The following INPP5B variants were observed in gnomAD, a reference collection of about 807,000 sequenced individuals.
INPP5B encodes the protein type II inositol 1,4,5-trisphosphate 5-phosphatase.
In INPP5B, 90 loss-of-function variants were observed where a neutral mutation model predicts 118.5. The observed-to-expected ratio is 0.76, with a 90% CI of 0.64 to 0.90. The LOEUF is 0.90. INPP5B is among the 40% of genes least tolerant of loss of function. The pLI is 0.00. For missense variants in INPP5B, 984 were observed against 1,125.6 expected, an observed-to-expected ratio of 0.87 and a Z score of 1.80; for synonymous variants, 385 against 418.9, an observed-to-expected ratio of 0.92 and a Z score of 0.99.
At chr1:37,940,412 C>T (rs550887460) in intron 6 of INPP5B, among the ~76,000 whole-genome samples, 46 of 152,296 alleles carry the variant, frequency 3.0e-4, no homozygotes, top group African/African-American at 1.1e-3. Flanking sequence ...GTAAGAGATT[C>T]TGCATCACAG....
chr1:37,911,875 A>C (rs998509020), intron 7 of INPP5B, among the ~76,000 whole-genome samples: 1 of 152,218 alleles, frequency 6.6e-6, no homozygotes, highest in Non-Finnish European at 1.5e-5. Context: ...TTATGCTGAT[A>C]AGGTAGTTAA....
Position 37,905,520 on chromosome 1 carries a change from G to A in INPP5B, c.533-14066C>T, listed in dbSNP as rs375876533. On this transcript the variant is annotated intron_variant, in intron 7 of 23. Transcript: ENST00000373024. ...TGTTACTAATAATTACAATTGTTAT[G>A]TAAAATTGTTACATGCCACTGTGGT... is the stretch of plus-strand genomic sequence containing the variant. 4.6e-5 allele frequency among the ~76,000 whole-genome samples: 7 copies of A among 152,340 alleles called. 1 individual carries two copies. The highest frequency in any genetic ancestry group is 1.7e-4 in the African/African-American group (7 of 41,576).
chr1:37,932,556 A>G (rs940860584), intron 6 of INPP5B, among the ~76,000 whole-genome samples: 1 of 151,640 alleles, frequency 6.6e-6, no homozygotes, highest in African/African-American at 2.4e-5. Flanking sequence ...TTTAGTAGAG[A>G]CGGGGTTTCA....
intron 7 of INPP5B, among the ~76,000 whole-genome samples, chr1:37,893,739 G>T (rs762306022): frequency 2.0e-5 from 3 of 152,078 alleles, no homozygotes; most frequent in Non-Finnish European, 4.4e-5. Flanking sequence ...AATTGCCAAG[G>T]CTCTTCCCAG....
At chr1:37,927,593 GT>G (rs1557708610) in intron 7 of INPP5B, among the ~76,000 whole-genome samples, 1 of 149,448 alleles carries the variant, frequency 6.7e-6, no homozygotes, top group East Asian at 2.0e-4. Flanking sequence ...CTGGAGTCCA[GT>G]GGCGCAATCT....
intron 5 of INPP5B, among the ~76,000 whole-genome samples, chr1:37,942,645 A>T (rs941884323): frequency 1.6e-4 from 25 of 152,104 alleles, no homozygotes; most frequent in African/African-American, 6.0e-4. Context: ...GTGGTGGCTC[A>T]CGCCTATAAT....
Position 37,946,272 on chromosome 1 carries a change from C to T in INPP5B, c.37G>A (p.Glu13Lys), listed in dbSNP as rs1385109923. 7 of 1,611,872 alleles carry T rather than the reference C, an allele frequency of 4.3e-6. No homozygotes were observed. Among genetic ancestry groups the T allele is most frequent in the Non-Finnish European group, 5.1e-6 (6 of 1,179,114 alleles). The change falls in exon 2 of 24, where the codon GAG (glutamate) becomes AAG (lysine). Residue 13 changes from glutamate (E) to lysine (K), a missense_variant. Coordinates refer to ENST00000373024, the MANE Select transcript of INPP5B (RefSeq NM_005540.3). Reference sequence around the variant, plus strand: ...GATATGATGACGCAGTATTCCCCCTCAGCCAGCGTCTCCTGGATTGCCACA... The same window carrying T: ...GATATGATGACGCAGTATTCCCCCTTAGCCAGCGTCTCCTGGATTGCCACA... ...QSVAIQETLA[E>K]GEYCVIAVQG... is the part of the protein sequence containing the mutation.
In INPP5B at chr1:37,877,273, C is replaced by T. The variant is rs1225821011; in HGVS notation, c.1677+915G>A. ...AGGAGAATCGCTTGAACCCGGGAGG[C>T]GGAGGTTGCAGCAAGCTGAAATCAC... is the stretch of plus-strand genomic sequence containing the variant. On this transcript the variant is annotated intron_variant, in intron 16 of 23. Transcript: ENST00000373024. 5.4e-5 allele frequency among the ~76,000 whole-genome samples: 8 copies of T among 147,194 alleles called. No individual in the cohort carries two copies. The South Asian group carries it at 1.5e-3, about 28-fold the overall frequency.
At chr1:37,866,400 T>TCACACACACACA (rs1192589112) in intron 21 of INPP5B, 59 bp downstream of exon 21, 8 of 686,092 alleles carry the variant, frequency 1.2e-5, no homozygotes, top group South Asian at 1.7e-5. Flanking sequence ...TCTCTCTCTC[T>TCACACACACACA]CTCTCTCACA....
intron 7 of INPP5B, among the ~76,000 whole-genome samples, chr1:37,892,620 T>C (rs934928645): frequency 6.6e-6 from 1 of 152,190 alleles, no homozygotes. Flanking sequence ...TTCTCAACCA[T>C]GCATTCACAT....
chr1:37,875,399 G>C (rs1350341358), intron 17 of INPP5B, among the ~76,000 whole-genome samples: 1 of 152,152 alleles, frequency 6.6e-6, no homozygotes, highest in Non-Finnish European at 1.5e-5. Context: ...CTCCCGAGTA[G>C]TTGGGACTAC....
intron 21 of INPP5B, 118 bp from the exon 22 acceptor site, chr1:37,866,006 G>T: frequency 6.7e-7 from 1 of 1,495,168 alleles, no homozygotes; most frequent in Non-Finnish European, 9.0e-7. Flanking sequence ...CTCAGGGCTA[G>T]GATGCCAGCC....
intron 9 of INPP5B, 96 bp from the exon 10 acceptor site, chr1:37,888,440 G>T: frequency 2.9e-6 from 2 of 693,194 alleles, no homozygotes; most frequent in Non-Finnish European, 4.5e-6. Context: ...CCGTCTCTGT[G>T]GACTGGCATT....
At chr1:37,910,142 G>A (rs183326920) in intron 7 of INPP5B, among the ~76,000 whole-genome samples, 12 of 152,296 alleles carry the variant, frequency 7.9e-5, no homozygotes, top group Admixed American at 3.3e-4. Flanking sequence ...CTGCCCGATC[G>A]CCTCGGAAGC....
intron 6 of INPP5B, among the ~76,000 whole-genome samples, chr1:37,935,175 C>T (rs1448541856): frequency 8.2e-6 from 1 of 121,918 alleles, no homozygotes; most frequent in Non-Finnish European, 1.7e-5. Flanking sequence ...CACTCCAGTC[C>T]GGGCGACAGA....
intron 7 of INPP5B, among the ~76,000 whole-genome samples, chr1:37,910,407 T>C (rs1570254477): frequency 6.6e-6 from 1 of 152,142 alleles, no homozygotes; most frequent in South Asian, 2.1e-4. Context: ...AGCTCCCTTA[T>C]TAGGTTGAGA....
intron 13 of INPP5B, 160 bp downstream of exon 13, chr1:37,885,478 T>G: frequency 1.8e-6 from 1 of 545,318 alleles, no homozygotes; most frequent in Non-Finnish European, 3.2e-6. Flanking sequence ...GTTAGGAAAC[T>G]AAATATTTTC....
chr1:37,874,687 C>CT (rs1642682180), intron 17 of INPP5B, among the ~76,000 whole-genome samples: 1 of 152,198 alleles, frequency 6.6e-6, no homozygotes, highest in Non-Finnish European at 1.5e-5. Context: ...ATCCCAGCTA[C>CT]TGGGAGGCGG....
At chr1:37,897,656 G>A (rs1451451003) in intron 7 of INPP5B, among the ~76,000 whole-genome samples, 1 of 151,462 alleles carries the variant, frequency 6.6e-6, no homozygotes, top group Non-Finnish European at 1.5e-5. Flanking sequence ...TTGTTTATCT[G>A]CTGACCTTCC....
Sources: allele counts gnomAD v4.1 joint callset (sites outside exome capture counted in the v4.1 genomes callset), GRCh38; gene constraint gnomAD v4.1.1; transcripts MANE v1.5; gene names NCBI Gene and HGNC (gene_info 2026-07-23, HGNC 2026-07-21).